The following PADI1 variants were observed in gnomAD, a reference collection of about 807,000 sequenced individuals.
PADI1 encodes protein-arginine deiminase type-1.
A neutral mutation model predicts 74.8 loss-of-function variants in PADI1; 65 were observed. The observed-to-expected ratio is 0.87, with a 90% CI of 0.71 to 1.07. PADI1 has a LOEUF of 1.07. Ranked by LOEUF, PADI1 falls within the 50% of genes least tolerant of loss-of-function variation. The pLI is 0.00. For missense variants in PADI1, 943 were observed against 854.0 expected (o/e 1.10, Z -1.30); for synonymous variants, 371 against 336.2 (o/e 1.10, Z -1.13).
chr1:17,228,934 C>T lies in PADI1; in HGVS notation c.826-14C>T, dbSNP rs375175136. 1.9e-6 allele frequency: 3 copies of T among 1,590,552 alleles called. No individual in the cohort carries two copies. Among genetic ancestry groups the T allele is most frequent in the African/African-American group, 2.7e-5 (2 of 74,444 alleles). On this transcript the variant is annotated splice_polypyrimidine_tract_variant and intron_variant, in intron 7 of 15. Coordinates refer to ENST00000375471, the MANE Select transcript of PADI1 (RefSeq NM_013358.3). Reference sequence around the variant, plus strand: ...GTCCCTGCAGGGCCCACCAAGTCCTCATTTTCCCCTCAGACCCTGCCCGAG... The same window carrying T: ...GTCCCTGCAGGGCCCACCAAGTCCTTATTTTCCCCTCAGACCCTGCCCGAG...
In PADI1 at chr1:17,232,926, G is replaced by C; in HGVS notation, c.1269G>C (p.Thr423=). 6.2e-7 allele frequency: 1 copy of C among 1,612,124 alleles called. No homozygotes were observed. The change falls in exon 11 of 16, where the codon ACG becomes ACC. Residue 423 remains threonine, a synonymous_variant. Coordinates refer to ENST00000375471, the MANE Select transcript of PADI1 (RefSeq NM_013358.3). ...DVSPPVTVGG[T]EYPLGRILIG... is the part of the protein sequence containing the mutation. Reference sequence around the variant, plus strand: ...GCCCGCCCGTCACGGTGGGCGGCACGGAATACCCCCTGGGCCGGATCCTCA... The same window carrying C: ...GCCCGCCCGTCACGGTGGGCGGCACCGAATACCCCCTGGGCCGGATCCTCA...
intron 3 of PADI1, 134 bp downstream of exon 3, chr1:17,223,827 G>A (rs1011054485): frequency 7.4e-5 from 53 of 715,032 alleles, no homozygotes; most frequent in Non-Finnish European, 8.3e-5. Flanking sequence ...TGGATTCCTC[G>A]GGACCTTCTG....
intron 2 of PADI1, among the ~76,000 whole-genome samples, chr1:17,222,894 CCTT>C (rs2072198427): frequency 1.3e-5 from 2 of 152,208 alleles, no homozygotes; most frequent in Non-Finnish European, 1.5e-5. Context: ...CCTAAGCCAA[CCTT>C]CTCTCTCATC....
At position 17,225,884 on chromosome 1, in the gene PADI1, C is replaced by CTG. The variant is rs2072294584; in HGVS notation, c.482_483insTG (p.Glu163GlnfsTer10). The CTG allele has an allele frequency of 6.2e-7, 1 of 1,613,922 alleles. No homozygotes were observed. ...AACTGTGACCGGGACAATCACAGGT[C>CTG]CGCAGAGCCTGACCTCACCCACAGC... On this transcript the variant is annotated frameshift_variant, in exon 5 of 16. Coordinates refer to ENST00000375471, the MANE Select transcript of PADI1 (RefSeq NM_013358.3). LOFTEE classifies it high-confidence loss of function.
intron 3 of PADI1, among the ~76,000 whole-genome samples, chr1:17,223,934 T>C (rs2072236826): frequency 6.6e-6 from 1 of 152,154 alleles, no homozygotes; most frequent in African/African-American, 2.4e-5. Flanking sequence ...AGACCCACAA[T>C]AAGCCTCCTT....
chr1:17,205,272 T>G lies in PADI1; in HGVS notation c.55T>G (p.Cys19Gly). Residue 19 changes from cysteine (C) to glycine (G), a missense_variant, in exon 1 of 16, where the codon TGT becomes GGT. Coordinates refer to ENST00000375471, the MANE Select transcript of PADI1 (RefSeq NM_013358.3). ...LSLKMPTHAV[C>G]VVGVEAHVDI... The stretch of plus-strand genomic sequence containing the variant: ...CCTGAAGATGCCTACCCATGCCGTG[T>G]GTGTGGTGGGAGTCGAGGCACATGT... The G allele has an allele frequency of 6.2e-7, 1 of 1,613,900 alleles. No homozygotes were observed. Among genetic ancestry groups the G allele is most frequent in the Non-Finnish European group, 8.5e-7 (1 of 1,179,936 alleles).
intron 4 of PADI1, 137 bp from the exon 5 acceptor site, chr1:17,225,674 C>T (rs903007865): frequency 1.5e-6 from 1 of 682,130 alleles, no homozygotes; most frequent in African/African-American, 1.8e-5. Context: ...CCCAAATAAT[C>T]CTTTTTAAAA....
chr1:17,225,980 A>G, intron 5 of PADI1, 52 bp downstream of exon 5: 1 of 1,611,476 alleles, frequency 6.2e-7, no homozygotes, highest in South Asian at 1.1e-5. Flanking sequence ...ATGGAAGTGG[A>G]TCCTGTTGGT....
In PADI1 at chr1:17,243,623, T is replaced by A. The variant is rs117852468; in HGVS notation, c.1759-387T>A. Among the ~76,000 whole-genome samples, 70 of 152,346 alleles carry A rather than the reference T, an allele frequency of 4.6e-4. No homozygotes were observed. In the East Asian group the frequency reaches 0.01, roughly 23 times the overall value. On this transcript the variant is annotated intron_variant, in intron 15 of 15. Transcript: ENST00000375471. Reference sequence around the variant, plus strand: ...TTGGAAGACATCCACACCACAGACCTTGTAGGTGTGTATATTTGTTGTACA... The same window carrying A: ...TTGGAAGACATCCACACCACAGACCATGTAGGTGTGTATATTTGTTGTACA...
At chr1:17,218,047 CA>C (rs1319036156) in intron 1 of PADI1, among the ~76,000 whole-genome samples, 1 of 152,012 alleles carries the variant, frequency 6.6e-6, no homozygotes, top group Non-Finnish European at 1.5e-5. Flanking sequence ...TCGTGAATGC[CA>C]ACAAAAATAT....
intron 3 of PADI1, 84 bp from the exon 4 acceptor site, chr1:17,224,283 G>C: frequency 8.4e-7 from 1 of 1,190,638 alleles, no homozygotes; most frequent in East Asian, 2.5e-5. Context: ...TTGGGGAGGG[G>C]TCAGAGTTTG....
rs1323754130 is a variant in PADI1, at chr1:17,245,954, G to T, written c.*1711G>T. ...GGTGTTGGCTCTGAGAATGTTCTGG[G>T]TGACCAGTCACCTACTTTCTGATCA... On this transcript the variant is annotated 3_prime_UTR_variant, in exon 16 of 16. Transcript: ENST00000375471. This position sits in a 1 kb window ranked among gnomAD's most constrained non-coding sequence, Gnocchi z 4.1. 1 of 152,260 alleles carries T rather than the reference G, an allele frequency of 6.6e-6. No individual in the cohort carries two copies. The highest frequency in any genetic ancestry group is 1.5e-5 in the Non-Finnish European group (1 of 68,062). The allele number at this position is 152,260 out of a possible 1,614,324, so 9.4% of individuals were successfully genotyped here. A position where few individuals can be genotyped will look rare whatever the true frequency, so the allele number is the denominator to read the frequency against.
chr1:17,224,321 A>T, intron 3 of PADI1, 46 bp from the exon 4 acceptor site: 1 of 1,539,840 alleles, frequency 6.5e-7, no homozygotes. Context: ...GGGTGTGAAG[A>T]TGGGGCTGGA....
intron 1 of PADI1, among the ~76,000 whole-genome samples, chr1:17,220,532 A>C (rs1399220755): frequency 6.6e-6 from 1 of 152,138 alleles, no homozygotes; most frequent in Non-Finnish European, 1.5e-5. Context: ...ACACTGTTAC[A>C]GGTGTTGGGG....
chr1:17,228,562 T>A, intron 6 of PADI1, 63 bp from the exon 7 acceptor site: 2 of 1,568,744 alleles, frequency 1.3e-6, no homozygotes, highest in Non-Finnish European at 1.8e-6. Flanking sequence ...CTGTCCTGGA[T>A]TCCTGGGCTT....
At chr1:17,214,184 A>G in intron 1 of PADI1, among the ~76,000 whole-genome samples, 1 of 152,222 alleles carries the variant, frequency 6.6e-6, no homozygotes, top group East Asian at 1.9e-4. Context: ...CAGTCTAGGA[A>G]GTAGCTCTTG....
At chr1:17,241,981 A>C (rs1450512208) in intron 15 of PADI1, among the ~76,000 whole-genome samples, 1 of 152,136 alleles carries the variant, frequency 6.6e-6, no homozygotes, top group Non-Finnish European at 1.5e-5. Context: ...TGTCGGAATC[A>C]GGATGCAGGT....
chr1:17,227,555 A>G (rs560389193), intron 6 of PADI1, among the ~76,000 whole-genome samples: 1 of 151,268 alleles, frequency 6.6e-6, no homozygotes, highest in African/African-American at 2.4e-5. Flanking sequence ...ATAAATAAAT[A>G]AATAAATAAA....
At chr1:17,226,230 C>CT (rs148760791) in intron 6 of PADI1, 72 bp downstream of exon 6, 4 of 1,523,188 alleles carry the variant, frequency 2.6e-6, no homozygotes, top group Non-Finnish European at 2.7e-6. Flanking sequence ...ATCTCTCTCT[C>CT]TTTTTTTCCA....
Sources: allele counts gnomAD v4.1 joint callset (sites outside exome capture counted in the v4.1 genomes callset), GRCh38; gene constraint gnomAD v4.1.1; non-coding constraint Gnocchi (gnomAD v3.1); transcripts MANE v1.5; gene names NCBI Gene and HGNC (gene_info 2026-07-23, HGNC 2026-07-21).